The following NIPA1 variants were observed in gnomAD, a reference collection of about 807,000 sequenced individuals.
NIPA1 encodes magnesium transporter NIPA1.
In NIPA1, 13 loss-of-function variants were observed where a neutral mutation model predicts 23.9. The ratio of observed to expected loss-of-function variants is 0.54; its 90% CI spans 0.35 to 0.87. The LOEUF (loss-of-function observed/expected upper bound fraction) is 0.87, where lower values mean the gene tolerates loss of function less well. Among genes scored for constraint, NIPA1 ranks in the 40% least tolerant of loss-of-function variants. The pLI is 0.01. For synonymous variants in NIPA1, 234 were observed against 202.9 expected (o/e 1.15, Z -1.30); for missense variants, 362 against 429.7 (o/e 0.84, Z 1.39).
chr15:22,805,739 A>G (rs1360373054), intron 1 of NIPA1, among the ~76,000 whole-genome samples: 1 of 152,162 alleles, frequency 6.6e-6, no homozygotes, highest in Non-Finnish European at 1.5e-5. Context: ...TCTTTTTTAT[A>G]CATTAATTTA....
chr15:22,806,089 A>C lies in NIPA1; in HGVS notation c.179-4660A>C, dbSNP rs1309676237. Among the ~76,000 whole-genome samples, 5 of 152,112 alleles carry C rather than the reference A, an allele frequency of 3.3e-5. No homozygotes were observed. In the East Asian group the frequency reaches 7.8e-4, roughly 24 times the overall value. On this transcript the variant is annotated intron_variant, in intron 1 of 4. Coordinates refer to ENST00000337435, the MANE Select transcript of NIPA1 (RefSeq NM_144599.5). ...CAGGCGCCCGCCACCACGCCCAGCTAATTTTTTGTATTTTTAGCAGAGACG... is the reference window on the plus strand; with the variant it reads ...CAGGCGCCCGCCACCACGCCCAGCTCATTTTTTGTATTTTTAGCAGAGACG...
intron 3 of NIPA1, among the ~76,000 whole-genome samples, chr15:22,819,010 C>A (rs968031524): frequency 2.0e-5 from 3 of 152,130 alleles, no homozygotes; most frequent in Non-Finnish European, 4.4e-5. Context: ...CTTTTCCAGG[C>A]AGCTACTCGG....
chr15:22,793,255 A>C (rs574849745), intron 1 of NIPA1, among the ~76,000 whole-genome samples: 1 of 150,800 alleles, frequency 6.6e-6, no homozygotes, highest in Non-Finnish European at 1.5e-5. Context: ...AGGCTGAGGC[A>C]TGAAAATTGC....
At chr15:22,804,901 A>T (rs1023357021) in intron 1 of NIPA1, among the ~76,000 whole-genome samples, 1 of 152,044 alleles carries the variant, frequency 6.6e-6, no homozygotes, top group African/African-American at 2.4e-5. Flanking sequence ...CAGTGGCGCA[A>T]TCTTGGCTCA....
chr15:22,790,418 A>G (rs545169967), intron 1 of NIPA1, among the ~76,000 whole-genome samples: 1 of 143,136 alleles, frequency 7.0e-6, no homozygotes, highest in East Asian at 2.0e-4. Flanking sequence ...GGCCTCCCAA[A>G]GTGCTTTTTT....
At chr15:22,811,594 A>C (rs1895318114) in intron 2 of NIPA1, among the ~76,000 whole-genome samples, 1 of 151,910 alleles carries the variant, frequency 6.6e-6, no homozygotes, top group South Asian at 2.1e-4. Context: ...ACAGAGTGAG[A>C]CTCTGTCTCA....
Position 22,801,601 on chromosome 15 carries a change from C to T in NIPA1, c.179-9148C>T, listed in dbSNP as rs150705447. Among the ~76,000 whole-genome samples the T allele has an allele frequency of 5.8e-3, 873 of 151,082 alleles. 9 individuals carry two copies. Among genetic ancestry groups the T allele is most frequent in the African/African-American group, 0.02 (832 of 41,072 alleles). ...CATGATCTCGGCTCACTGCAACTTCCACCTCCCGGGGTTCAAGCAGTTCTC... is the reference window on the plus strand; with the variant it reads ...CATGATCTCGGCTCACTGCAACTTCTACCTCCCGGGGTTCAAGCAGTTCTC... On this transcript the variant is annotated intron_variant, in intron 1 of 4. Transcript: ENST00000337435.
Position 22,827,782 on chromosome 15 carries a change from G to GT in NIPA1, c.*3543_*3544insT, listed in dbSNP as rs2140880607. 6.6e-6 allele frequency: 1 copy of GT among 152,128 alleles called. No individual in the cohort carries two copies. Among genetic ancestry groups the GT allele is most frequent in the East Asian group, 1.9e-4 (1 of 5,164 alleles). The allele number at this position is 152,128 out of a possible 1,614,324, so 9.4% of individuals were successfully genotyped here. A position where few individuals can be genotyped will look rare whatever the true frequency, so the allele number is the denominator to read the frequency against. On this transcript the variant is annotated 3_prime_UTR_variant, in exon 5 of 5. Transcript: ENST00000337435. The stretch of plus-strand genomic sequence containing the variant: ...GTAAATGTTGTGCTCAACTTCTAGG[G>GT]GCCAGTTCTAGACTTTGGAGATGCA...
At position 22,816,955 on chromosome 15, in the gene NIPA1, G is replaced by C. The variant is rs1386103687; in HGVS notation, c.318-3358G>C. On this transcript the variant is annotated intron_variant, in intron 3 of 4. Transcript: ENST00000337435. Reference sequence around the variant, plus strand: ...TCCCAGCACTCTGGGAGGCTGAGACGGGAAGATCACCTGAGGTCAGGAGTT... The same window carrying C: ...TCCCAGCACTCTGGGAGGCTGAGACCGGAAGATCACCTGAGGTCAGGAGTT... Among the ~76,000 whole-genome samples the C allele has an allele frequency of 2.6e-5, 4 of 151,418 alleles. 1 individual carries two copies. Among genetic ancestry groups the C allele is most frequent in the Non-Finnish European group, 5.9e-5 (4 of 67,832 alleles).
intron 1 of NIPA1, among the ~76,000 whole-genome samples, chr15:22,804,477 GT>G (rs1380243191): frequency 1.3e-5 from 2 of 152,090 alleles, no homozygotes; most frequent in Non-Finnish European, 2.9e-5. Flanking sequence ...TAATTTGTCT[GT>G]TTTTTTCCTA....
chr15:22,822,228 C>T (rs1353859000), intron 4 of NIPA1, among the ~76,000 whole-genome samples: 1 of 152,116 alleles, frequency 6.6e-6, no homozygotes, highest in Non-Finnish European at 1.5e-5. Flanking sequence ...TAAATCCATG[C>T]AAAAATTACT....
rs551137933 is a variant in NIPA1, at chr15:22,817,573, T to C, written c.318-2740T>C. On this transcript the variant is annotated intron_variant, in intron 3 of 4. Coordinates refer to ENST00000337435, the MANE Select transcript of NIPA1 (RefSeq NM_144599.5). ...ATCCCAGCACTTTGGGAGGCTGAGG[T>C]GGGTGGATCACGAGGTCAGGAGATC... Among the ~76,000 whole-genome samples, 189 of 146,464 alleles carry C rather than the reference T, an allele frequency of 1.3e-3. 2 individuals carry two copies. Among genetic ancestry groups the C allele is most frequent in the Admixed American group, 3.0e-3 (45 of 14,804 alleles).
rs755504394 is a variant in NIPA1, at chr15:22,828,068, G to A, written c.*3829G>A. On this transcript the variant is annotated 3_prime_UTR_variant, in exon 5 of 5. Coordinates refer to ENST00000337435, the MANE Select transcript of NIPA1 (RefSeq NM_144599.5). ...ACATTTCAGTGTAAGGTCTGTTCCCGACAGCATGGATTAGCTTCCGTGTTC... is the reference window on the plus strand; with the variant it reads ...ACATTTCAGTGTAAGGTCTGTTCCCAACAGCATGGATTAGCTTCCGTGTTC... The A allele has an allele frequency of 1.3e-5, 2 of 152,552 alleles. No individual in the cohort carries two copies. Among genetic ancestry groups the A allele is most frequent in the Admixed American group, 6.6e-5 (1 of 15,264 alleles). 9.4% of individuals were successfully genotyped at this position (152,552 alleles called of 1,614,324 possible). A position where few individuals can be genotyped will look rare whatever the true frequency, so the allele number is the denominator to read the frequency against.
chr15:22,829,263 G>A lies in NIPA1; in HGVS notation c.*5024G>A, dbSNP rs181557691. 8.7e-4 allele frequency: 133 copies of A among 152,232 alleles called. 1 individual carries two copies. The highest frequency in any genetic ancestry group is 3.1e-3 in the African/African-American group (128 of 41,542). The allele number at this position is 152,232 out of a possible 1,614,324, so 9.4% of individuals were successfully genotyped here. ...GAAACACGTGGATTCTGTTGCACTG[G>A]ATTTGTAATAAATGACGCTGAACTT... On this transcript the variant is annotated 3_prime_UTR_variant, in exon 5 of 5. Coordinates refer to ENST00000337435, the MANE Select transcript of NIPA1 (RefSeq NM_144599.5).
intron 3 of NIPA1, among the ~76,000 whole-genome samples, chr15:22,816,865 G>A (rs914847244): frequency 1.7e-4 from 26 of 151,738 alleles, no homozygotes; most frequent in African/African-American, 5.3e-4. Context: ...TAGCAAGGTC[G>A]ATGGACACAA....
chr15:22,818,993 G>A (rs571589052), intron 3 of NIPA1, among the ~76,000 whole-genome samples: 2 of 151,890 alleles, frequency 1.3e-5, no homozygotes, highest in Non-Finnish European at 2.9e-5. Context: ...TGCATTTCTG[G>A]TTTCTCCTTT....
intron 1 of NIPA1, among the ~76,000 whole-genome samples, chr15:22,792,534 A>G (rs2140848100): frequency 6.6e-6 from 1 of 151,952 alleles, no homozygotes; most frequent in East Asian, 2.0e-4. Context: ...AATTTTTTGT[A>G]TTTTTAGTAG....
At chr15:22,802,673 T>G (rs1340633900) in intron 1 of NIPA1, among the ~76,000 whole-genome samples, 1 of 152,108 alleles carries the variant, frequency 6.6e-6, no homozygotes, top group African/African-American at 2.4e-5. Context: ...AGAAATTGAT[T>G]GTTGCTGCCA....
chr15:22,795,570 C>G (rs767634172), intron 1 of NIPA1, among the ~76,000 whole-genome samples: 1 of 152,144 alleles, frequency 6.6e-6, no homozygotes, highest in Non-Finnish European at 1.5e-5. Flanking sequence ...CTCCCTTGGA[C>G]GCCCTTACAG....
Sources: gnomAD v4.1 joint callset for allele counts (sites outside exome capture counted in the v4.1 genomes callset) on GRCh38, gnomAD v4.1.1 for gene constraint, MANE v1.5 for transcripts, NCBI Gene and HGNC (gene_info 2026-07-23, HGNC 2026-07-21) for gene names.